Variants in CEP128 observed in about 807,000 individuals in gnomAD.
CEP128 encodes the protein centrosomal protein 128kDa.
CEP128 carries 132 observed loss-of-function variants against 156.7 expected under a neutral mutation model. The ratio of observed to expected loss-of-function variants is 0.84; its 90% CI spans 0.73 to 0.97. The LOEUF is 0.97. Among genes scored for constraint, CEP128 ranks in the 50% least tolerant of loss-of-function variants. The probability of loss-of-function intolerance (pLI) is 0.00; values close to 1 mark genes in which losing one functional copy is unlikely to be tolerated. For missense variants in CEP128, 1,252 were observed against 1,281.9 expected, an observed-to-expected ratio of 0.98 and a Z score of 0.36; for synonymous variants, 469 against 448.9, an observed-to-expected ratio of 1.04 and a Z score of -0.57.
At chr14:80,868,703 T>C (rs1022890105) in intron 8 of CEP128, among the ~76,000 whole-genome samples, 12 of 151,952 alleles carry the variant, frequency 7.9e-5, no homozygotes, top group African/African-American at 2.2e-4. Flanking sequence ...AGACATAGAG[T>C]AGCTACTTAG....
intron 6 of CEP128, among the ~76,000 whole-genome samples, chr14:80,904,005 C>A (rs183488278): frequency 7.9e-5 from 12 of 152,226 alleles, no homozygotes; most frequent in Admixed American, 7.8e-4. Flanking sequence ...CCCAAAGCTA[C>A]TGAAATCAGT....
chr14:80,488,993 G>A (rs1566735200), downstream of CEP128, among the ~76,000 whole-genome samples: 2 of 148,936 alleles, frequency 1.3e-5, no homozygotes, highest in South Asian at 4.4e-4. Context: ...GTGGGTTGGG[G>A]GGAGGGGGGA....
intron 8 of CEP128, among the ~76,000 whole-genome samples, chr14:80,865,757 T>G (rs1025315556): frequency 6.6e-6 from 1 of 152,150 alleles, no homozygotes; most frequent in African/African-American, 2.4e-5. Flanking sequence ...TGCCATGTTA[T>G]GAGATGCTCT....
intron 2 of CEP128, among the ~76,000 whole-genome samples, chr14:80,950,916 A>G (rs1024416378): frequency 6.6e-6 from 1 of 151,842 alleles, no homozygotes; most frequent in Non-Finnish European, 1.5e-5. Flanking sequence ...GAAAAAAAAA[A>G]AAAAAAAAGC....
chr14:80,580,921 G>A (rs1386104956), intron 19 of CEP128, among the ~76,000 whole-genome samples: 16 of 152,124 alleles, frequency 1.1e-4, no homozygotes, highest in Non-Finnish European at 2.4e-4. Flanking sequence ...GTTATTAACT[G>A]GAAGTGGAAC....
At position 80,886,933 on chromosome 14, in the gene CEP128, A is replaced by C. The variant is rs150324620; in HGVS notation, c.645+8785T>G. ...AGGCTCAAAATAAAGGGATGAAGGA[A>C]TATTTACTAAGCAAATGGAAAGCAA... On this transcript the variant is annotated intron_variant, in intron 8 of 24. Coordinates refer to ENST00000555265, the MANE Select transcript of CEP128 (RefSeq NM_152446.5). 8.1e-4 allele frequency among the ~76,000 whole-genome samples: 124 copies of C among 152,356 alleles called. 1 individual carries two copies. The highest frequency in any genetic ancestry group is 2.9e-3 in the African/African-American group (121 of 41,586).
At chr14:80,703,430 AAT>A (rs1002692802) in intron 19 of CEP128, among the ~76,000 whole-genome samples, 5 of 152,014 alleles carry the variant, frequency 3.3e-5, no homozygotes, top group Non-Finnish European at 5.9e-5. Flanking sequence ...TCTGTAAAAC[AAT>A]ATGTTTTTAA....
chr14:80,926,992 T>C (rs1404858007), intron 2 of CEP128, among the ~76,000 whole-genome samples: 5 of 152,216 alleles, frequency 3.3e-5, no homozygotes, highest in African/African-American at 7.2e-5. Flanking sequence ...GCCATGCTAG[T>C]ACTCACTGTT....
chr14:80,590,881 C>A (rs985853241), intron 19 of CEP128, among the ~76,000 whole-genome samples: 1 of 152,254 alleles, frequency 6.6e-6, no homozygotes, highest in African/African-American at 2.4e-5. Context: ...GAATTTTCAA[C>A]CCAGAATTTC....
chr14:80,608,323 T>C (rs1892866078), intron 19 of CEP128, among the ~76,000 whole-genome samples: 1 of 152,186 alleles, frequency 6.6e-6, no homozygotes, highest in Admixed American at 6.5e-5. Flanking sequence ...CTCAGGCACC[T>C]AGAAAAGTGC....
intron 19 of CEP128, among the ~76,000 whole-genome samples, chr14:80,636,368 T>A (rs967190173): frequency 1.3e-5 from 2 of 152,228 alleles, no homozygotes; most frequent in Non-Finnish European, 2.9e-5. Context: ...AGCATAAAGA[T>A]ACAACCTATT....
chr14:80,492,144 A>C (rs921242538), downstream of CEP128, among the ~76,000 whole-genome samples: 1 of 152,224 alleles, frequency 6.6e-6, no homozygotes, highest in Non-Finnish European at 1.5e-5. Context: ...AAATTTTAAA[A>C]CAGATGTGCA....
intron 19 of CEP128, among the ~76,000 whole-genome samples, chr14:80,641,115 A>G (rs1449438692): frequency 1.3e-5 from 2 of 152,180 alleles, no homozygotes; most frequent in Non-Finnish European, 2.9e-5. Flanking sequence ...AGGACCTTAC[A>G]GTCATTCCAG....
At chr14:80,717,799 C>T (rs1566874460) in intron 19 of CEP128, among the ~76,000 whole-genome samples, 1 of 152,064 alleles carries the variant, frequency 6.6e-6, no homozygotes, top group Non-Finnish European at 1.5e-5. Context: ...CCTCTATCTA[C>T]TAATCCTATT....
At chr14:80,852,813 T>C (rs1044949612) in intron 9 of CEP128, among the ~76,000 whole-genome samples, 1 of 151,968 alleles carries the variant, frequency 6.6e-6, no homozygotes. Flanking sequence ...ATTCATTTTA[T>C]GACACTAATG....
chr14:80,749,521 G>C (rs1267145568), intron 18 of CEP128, among the ~76,000 whole-genome samples: 2 of 152,150 alleles, frequency 1.3e-5, no homozygotes, highest in Non-Finnish European at 2.9e-5. Flanking sequence ...AAATGAGCCA[G>C]AAAAAGGAAG....
chr14:80,625,422 G>T (rs952874185), intron 19 of CEP128, among the ~76,000 whole-genome samples: 1 of 151,996 alleles, frequency 6.6e-6, no homozygotes, highest in Non-Finnish European at 1.5e-5. Flanking sequence ...TAATGCTTTG[G>T]CTATTTGAGG....
chr14:80,765,354 G>C (rs1900188337), intron 16 of CEP128, among the ~76,000 whole-genome samples: 1 of 152,170 alleles, frequency 6.6e-6, no homozygotes, highest in South Asian at 2.1e-4. Flanking sequence ...CTGGAAATTG[G>C]CTGAAGTTAA....
chr14:80,817,111 T>C (rs543148573), intron 13 of CEP128, among the ~76,000 whole-genome samples: 178 of 152,014 alleles, frequency 1.2e-3, no homozygotes, highest in African/African-American at 4.1e-3. Flanking sequence ...GCTATAGTTA[T>C]CCCAGACAGC....
Sources: allele counts gnomAD v4.1 joint callset (sites outside exome capture counted in the v4.1 genomes callset), GRCh38; gene constraint gnomAD v4.1.1; transcripts MANE v1.5; gene names NCBI Gene and HGNC (gene_info 2026-07-23, HGNC 2026-07-21).